The following SIL1 variants were observed in gnomAD, a reference collection of about 807,000 sequenced individuals.
SIL1 encodes SIL1 nucleotide exchange factor.
A neutral mutation model predicts 49.1 loss-of-function variants in SIL1; 40 were observed. The observed-to-expected ratio is 0.81, with a 90% CI of 0.63 to 1.06. The LOEUF (loss-of-function observed/expected upper bound fraction) is 1.06, where lower values mean the gene tolerates loss of function less well. SIL1 is among the 50% of genes least tolerant of loss of function. SIL1 has a pLI of 0.00. For missense variants in SIL1, 500 were observed against 572.6 expected (o/e 0.87, Z 1.29); for synonymous variants, 253 against 250.8 (o/e 1.01, Z -0.08).
intron 7 of SIL1, among the ~76,000 whole-genome samples, chr5:138,969,946 G>C (rs1287594737): frequency 6.6e-6 from 1 of 152,136 alleles, no homozygotes. Flanking sequence ...GCTCACACTG[G>C]GCACAAGGGG....
At chr5:139,127,988 C>A (rs1243855820) in intron 1 of SIL1, 135 bp from the exon 2 acceptor site, 1 of 690,490 alleles carries the variant, frequency 1.4e-6, no homozygotes, top group African/African-American at 1.8e-5. Flanking sequence ...TCTTCTACCA[C>A]TTCTAGATAA....
At chr5:139,098,402 A>C (rs1374720434) in intron 3 of SIL1, among the ~76,000 whole-genome samples, 1 of 152,330 alleles carries the variant, frequency 6.6e-6, no homozygotes, top group South Asian at 2.1e-4. Flanking sequence ...GCAGAAGAAT[A>C]AAATTAGACC....
intron 3 of SIL1, among the ~76,000 whole-genome samples, chr5:139,105,025 G>C (rs372047413): frequency 6.6e-6 from 1 of 152,124 alleles, no homozygotes; most frequent in Non-Finnish European, 1.5e-5. Context: ...CGCAATGAGG[G>C]GAGCAGGGCA....
intron 1 of SIL1, among the ~76,000 whole-genome samples, chr5:139,138,037 T>C (rs534411880): frequency 5.9e-5 from 9 of 152,170 alleles, no homozygotes; most frequent in Admixed American, 3.9e-4. Context: ...GCTTCCTTTG[T>C]GACTTGATCC....
chr5:139,120,772 G>C (rs1034955008), intron 3 of SIL1, among the ~76,000 whole-genome samples: 6 of 152,222 alleles, frequency 3.9e-5, no homozygotes, highest in African/African-American at 9.7e-5. Context: ...TGCAGGGAAA[G>C]AAAGTTTTCA....
chr5:139,059,648 A>G (rs1769540238), intron 3 of SIL1, among the ~76,000 whole-genome samples: 1 of 152,232 alleles, frequency 6.6e-6, no homozygotes, highest in Non-Finnish European at 1.5e-5. Context: ...CAACAGATGT[A>G]CAATATATAT....
intron 7 of SIL1, among the ~76,000 whole-genome samples, chr5:139,008,484 T>C (rs1235668330): frequency 1.6e-5 from 2 of 126,788 alleles, no homozygotes; most frequent in East Asian, 3.9e-4. Flanking sequence ...TGAATTTAGT[T>C]ATTTCTTGCC....
intron 1 of SIL1, among the ~76,000 whole-genome samples, chr5:139,178,774 A>G (rs1335802030): frequency 6.6e-6 from 1 of 152,104 alleles, no homozygotes; most frequent in Admixed American, 6.5e-5. Flanking sequence ...TAATTTTACT[A>G]ACTTTGACAT....
chr5:139,143,906 A>G (rs936198712), intron 1 of SIL1, among the ~76,000 whole-genome samples: 1 of 152,224 alleles, frequency 6.6e-6, no homozygotes, highest in Non-Finnish European at 1.5e-5. Context: ...ACTGAAAACT[A>G]CAAAACGCTG....
intron 1 of SIL1, among the ~76,000 whole-genome samples, chr5:139,135,137 C>T (rs1750946430): frequency 6.6e-6 from 1 of 152,198 alleles, no homozygotes; most frequent in Non-Finnish European, 1.5e-5. Context: ...AAGAGGCAGA[C>T]AGCAATTAAA....
intron 3 of SIL1, among the ~76,000 whole-genome samples, chr5:139,083,336 C>T (rs112816746): frequency 0.097 from 14,696 of 151,774 alleles, 798 homozygotes; most frequent in Non-Finnish European, 0.11. Flanking sequence ...TCCTCTCCAG[C>T]ACCTGTTGTT....
At chr5:139,169,997 C>A (rs975279416) in intron 1 of SIL1, among the ~76,000 whole-genome samples, 9 of 152,234 alleles carry the variant, frequency 5.9e-5, no homozygotes, top group African/African-American at 2.2e-4. Flanking sequence ...CTGCCAAGTG[C>A]CTGCGATTAC....
chr5:139,033,472 T>G (rs1405081074), intron 5 of SIL1, among the ~76,000 whole-genome samples: 1 of 151,968 alleles, frequency 6.6e-6, no homozygotes. Flanking sequence ...ATTATAGGTA[T>G]GAGACCTTAC....
intron 3 of SIL1, among the ~76,000 whole-genome samples, chr5:139,069,915 A>G (rs1769792574): frequency 6.6e-6 from 1 of 152,154 alleles, no homozygotes; most frequent in African/African-American, 2.4e-5. Flanking sequence ...GGATGTAAAG[A>G]ACACTGACAA....
chr5:139,025,787 CAA>C (rs1768635437), intron 6 of SIL1, among the ~76,000 whole-genome samples: 1 of 152,274 alleles, frequency 6.6e-6, no homozygotes, highest in Non-Finnish European at 1.5e-5. Flanking sequence ...TAAGGATTGG[CAA>C]ACTTTTTCTA....
intron 1 of SIL1, among the ~76,000 whole-genome samples, chr5:139,168,885 C>A (rs1209382775): frequency 1.3e-5 from 2 of 151,406 alleles, no homozygotes; most frequent in African/African-American, 4.9e-5. Context: ...TCACCTGAGC[C>A]CAGGAAGTTA....
At chr5:138,978,089 C>T (rs911852459) in intron 7 of SIL1, among the ~76,000 whole-genome samples, 30 of 152,218 alleles carry the variant, frequency 2.0e-4, no homozygotes, top group African/African-American at 6.8e-4. Flanking sequence ...TCACATACCA[C>T]ACAATTCACC....
At chr5:139,179,079 C>G (rs555232228) in intron 1 of SIL1, among the ~76,000 whole-genome samples, 1 of 152,320 alleles carries the variant, frequency 6.6e-6, no homozygotes, top group East Asian at 1.9e-4. Flanking sequence ...TAGTGATAAG[C>G]TGGCCTACAG....
intron 1 of SIL1, among the ~76,000 whole-genome samples, chr5:139,171,302 G>C (rs1044170483): frequency 5.3e-5 from 8 of 152,030 alleles, no homozygotes; most frequent in Non-Finnish European, 1.0e-4. Flanking sequence ...GATGGTTGCC[G>C]TATCTGTGTA....
Sources: gnomAD v4.1 joint callset for allele counts (sites outside exome capture counted in the v4.1 genomes callset) on GRCh38, gnomAD v4.1.1 for gene constraint, MANE v1.5 for transcripts, NCBI Gene and HGNC (gene_info 2026-07-23, HGNC 2026-07-21) for gene names.